Variants in NUP160 observed in about 807,000 individuals in gnomAD.
NUP160 encodes nucleoporin 160.
In NUP160, 94 loss-of-function variants were observed where a neutral mutation model predicts 196.9. The observed-to-expected ratio is 0.48, with a 90% CI of 0.40 to 0.57. The LOEUF is 0.57. NUP160 is among the 20% of genes least tolerant of loss of function. The probability of loss-of-function intolerance (pLI) is 0.00; values close to 1 mark genes in which losing one functional copy is unlikely to be tolerated. For synonymous variants in NUP160, 605 were observed against 619.7 expected (o/e 0.98, Z 0.35); for missense variants, 1,638 against 1,748.3 (o/e 0.94, Z 1.13).
chr11:47,808,152 G>A (rs900461396), intron 18 of NUP160, among the ~76,000 whole-genome samples: 1 of 152,114 alleles, frequency 6.6e-6, no homozygotes, highest in African/African-American at 2.4e-5. Flanking sequence ...ATGATGGCAG[G>A]TGCCTGAAAT....
intron 5 of NUP160, 69 bp downstream of exon 5, chr11:47,837,476 A>G (rs181844164): frequency 8.7e-5 from 103 of 1,185,106 alleles, no homozygotes; most frequent in Admixed American, 8.1e-4. Context: ...ACTGGAAACA[A>G]TAACTGCCGA....
rs1352439837 is a variant in NUP160 at position 47,798,005 on chromosome 11, C to G, written c.3156G>C (p.Glu1052Asp). ...CATTATGCAGATTCACATAGGGAAA[C>G]TCTACAAGATCCTGTAGCTGTGAGC... Residue 1052 changes from glutamate (E) to aspartate (D), a missense_variant, in exon 26 of 36, where the codon GAG (glutamate) becomes GAC (aspartate). Transcript: ENST00000378460. 4 of 1,579,964 alleles carry G rather than the reference C, an allele frequency of 2.5e-6. No homozygotes were observed. Among genetic ancestry groups the G allele is most frequent in the Non-Finnish European group, 2.6e-6 (3 of 1,160,888 alleles).
At chr11:47,821,210 A>C (rs1851849536) in intron 9 of NUP160, among the ~76,000 whole-genome samples, 1 of 152,052 alleles carries the variant, frequency 6.6e-6, no homozygotes, top group Non-Finnish European at 1.5e-5. Flanking sequence ...CAAAATTCTC[A>C]TTTTGTCCTA....
At position 47,806,852 on chromosome 11, in the gene NUP160, C is replaced by CACAT. The variant is rs1428564239; in HGVS notation, c.2446+217_2446+218insATGT. Among the ~76,000 whole-genome samples the CACAT allele has an allele frequency of 8.5e-3, 1,053 of 123,942 alleles. 6 individuals are homozygous for CACAT. Among genetic ancestry groups the CACAT allele is most frequent in the African/African-American group, 0.018 (568 of 31,408 alleles). The allele number at this position is 123,942 out of a possible 152,430, so 81.3% of individuals were successfully genotyped here. ...ACACACACACACACACACACACACACATATATATACCATATCCTTAACATA... is the reference window on the plus strand; with the variant it reads ...ACACACACACACACACACACACACACACATATATATATACCATATCCTTAACATA... On this transcript the variant is annotated intron_variant, in intron 19 of 35. Transcript: ENST00000378460.
intron 7 of NUP160, among the ~76,000 whole-genome samples, chr11:47,825,626 G>A (rs1163033912): frequency 1.3e-5 from 2 of 151,802 alleles, no homozygotes; most frequent in Non-Finnish European, 2.9e-5. Flanking sequence ...GCTAGTTTTC[G>A]TATTTTAGTA....
chr11:47,784,304 G>A (rs12226431), intron 33 of NUP160, among the ~76,000 whole-genome samples: 52,631 of 152,046 alleles, frequency 0.35, 10,551 homozygotes, highest in South Asian at 0.52. Flanking sequence ...CTAAGAACCC[G>A]TTTTTGATTT....
At chr11:47,807,181 A>G in intron 18 of NUP160, 41 bp from the exon 19 acceptor site, 2 of 1,211,736 alleles carry the variant, frequency 1.7e-6, no homozygotes, top group Non-Finnish European at 2.4e-6. Context: ...AAATTCTCCT[A>G]TGCTAAACAT....
At chr11:47,782,847 CG>C (rs1295089450) in intron 34 of NUP160, among the ~76,000 whole-genome samples, 1 of 151,990 alleles carries the variant, frequency 6.6e-6, no homozygotes, top group Non-Finnish European at 1.5e-5. Context: ...TTAGTAGAGA[CG>C]GGGCTTTGCC....
intron 27 of NUP160, among the ~76,000 whole-genome samples, chr11:47,794,081 G>A (rs559864010): frequency 1.3e-5 from 2 of 152,106 alleles, no homozygotes; most frequent in African/African-American, 4.8e-5. Context: ...ATCGGGGTTG[G>A]GAGGAACAAG....
chr11:47,845,616 A>G (rs1305294260), intron 2 of NUP160, among the ~76,000 whole-genome samples: 7 of 152,254 alleles, frequency 4.6e-5, no homozygotes, highest in South Asian at 2.1e-4. Flanking sequence ...ATCTTCCTCC[A>G]TAAGAGTAGG....
intron 13 of NUP160, among the ~76,000 whole-genome samples, chr11:47,814,476 G>T (rs527722615): frequency 2.6e-5 from 4 of 151,756 alleles, no homozygotes; most frequent in Middle Eastern, 6.8e-3. Flanking sequence ...AGTAGGCGGA[G>T]GTTGCAGTGA....
chr11:47,817,028 T>G (rs1424101437), intron 11 of NUP160, among the ~76,000 whole-genome samples: 1 of 150,970 alleles, frequency 6.6e-6, no homozygotes, highest in Non-Finnish European at 1.5e-5. Flanking sequence ...CAGGCTGGAA[T>G]GCAGTGGCAT....
At chr11:47,818,530 G>A (rs1209654621) in intron 10 of NUP160, among the ~76,000 whole-genome samples, 1 of 148,548 alleles carries the variant, frequency 6.7e-6, no homozygotes, top group Non-Finnish European at 1.5e-5. Context: ...GTAATAATAG[G>A]TATTATATGC....
At chr11:47,833,948 T>C (rs1852122908) in intron 7 of NUP160, among the ~76,000 whole-genome samples, 1 of 152,222 alleles carries the variant, frequency 6.6e-6, no homozygotes, top group South Asian at 2.1e-4. Context: ...TTTCCCTTTT[T>C]TCACTTTGCT....
intron 7 of NUP160, among the ~76,000 whole-genome samples, chr11:47,827,363 C>CA (rs59609032): frequency 0.26 from 23,025 of 86,998 alleles, 2,041 homozygotes; most frequent in African/African-American, 0.31. Flanking sequence ...GACACTGTCT[C>CA]AAAAAAAAAA....
At chr11:47,816,111 A>T in intron 11 of NUP160, 82 bp from the exon 12 acceptor site, 1 of 913,638 alleles carries the variant, frequency 1.1e-6, no homozygotes, top group Non-Finnish European at 1.8e-6. Context: ...ACATAGAGGC[A>T]ATATAAAACT....
In NUP160 at chr11:47,788,522, G is replaced by A. The variant is rs141812661; in HGVS notation, c.3601C>T (p.Pro1201Ser). 9.0e-4 allele frequency: 1,454 copies of A among 1,613,600 alleles called. 3 individuals are homozygous for A. Among genetic ancestry groups the A allele is most frequent in the Non-Finnish European group, 1.1e-3 (1,343 of 1,179,590 alleles). Residue 1201 changes from proline to serine, a missense_variant, in exon 30 of 36, where the codon CCA becomes TCA. Physicochemically the swap from Pro to Ser is moderately conservative, Grantham distance 74. Around this residue, in one of 3 missense-constraint regions of NUP160, gnomAD observed 1,345 missense variants for 1,470.2 expected, o/e 0.91. Transcript: ENST00000378460. ...CTACCAGCAACTGCAACCGCTGATGGATCATGCTGAGCCAAAGTGAGGCGG... is the reference window on the plus strand; with the variant it reads ...CTACCAGCAACTGCAACCGCTGATGAATCATGCTGAGCCAAAGTGAGGCGG...
At chr11:47,845,968 A>G (rs908845084) in intron 2 of NUP160, among the ~76,000 whole-genome samples, 3 of 152,116 alleles carry the variant, frequency 2.0e-5, no homozygotes, top group Non-Finnish European at 4.4e-5. Context: ...CCCCATCTCT[A>G]CAAAAACAAA....
At chr11:47,841,949 G>A (rs754156233) in intron 2 of NUP160, among the ~76,000 whole-genome samples, 32 of 151,690 alleles carry the variant, frequency 2.1e-4, no homozygotes, top group South Asian at 2.1e-4. Flanking sequence ...TACCTGCCTC[G>A]GCCTCCCAAA....
Sources: gnomAD v4.1 joint callset for allele counts (sites outside exome capture counted in the v4.1 genomes callset) on GRCh38, gnomAD v4.1.1 for gene constraint, gnomAD v4.1.1 regional missense constraint, MANE v1.5 for transcripts, NCBI Gene and HGNC (gene_info 2026-07-23, HGNC 2026-07-21) for gene names.